ZMIZ1: variants seen among roughly 807,000 people sequenced by gnomAD.
ZMIZ1 encodes zinc finger MIZ-type containing 1.
ZMIZ1 carries 17 observed loss-of-function variants against 113.9 expected under a neutral mutation model. The observed-to-expected ratio is 0.15, with a 90% CI of 0.10 to 0.22. The LOEUF is 0.22. Among genes scored for constraint, ZMIZ1 ranks in the 10% least tolerant of loss-of-function variants. ZMIZ1 has a pLI of 1.00. For missense variants in ZMIZ1, 1,059 were observed against 1,477.8 expected, an observed-to-expected ratio of 0.72 and a Z score of 4.65; for synonymous variants, 607 against 603.1, an observed-to-expected ratio of 1.01 and a Z score of -0.09.
intron 4 of ZMIZ1, among the ~76,000 whole-genome samples, chr10:79,185,493 A>G (rs1847313930): frequency 6.6e-6 from 1 of 151,452 alleles, no homozygotes; most frequent in Non-Finnish European, 1.5e-5. Flanking sequence ...GCCAGAAGGG[A>G]AAGGACTTCT....
chr10:79,145,878 TA>T (rs1589333620), intron 3 of ZMIZ1, among the ~76,000 whole-genome samples: 1 of 152,180 alleles, frequency 6.6e-6, no homozygotes, highest in Non-Finnish European at 1.5e-5. Flanking sequence ...GGCTAATTTT[TA>T]AAATTTTTAT....
At chr10:79,228,839 C>T (rs1750362079) in intron 7 of ZMIZ1, among the ~76,000 whole-genome samples, 1 of 152,214 alleles carries the variant, frequency 6.6e-6, no homozygotes. Flanking sequence ...GCTTCAAGAT[C>T]AGGCTGACGT....
At chr10:79,111,439 C>T (rs1241930607) in intron 1 of ZMIZ1, among the ~76,000 whole-genome samples, 1 of 152,208 alleles carries the variant, frequency 6.6e-6, no homozygotes, top group Admixed American at 6.5e-5. Flanking sequence ...AAGGTGTACC[C>T]TCTCCCATAA....
intron 2 of ZMIZ1, among the ~76,000 whole-genome samples, chr10:79,123,616 G>A (rs578232589): frequency 6.6e-5 from 10 of 152,276 alleles, no homozygotes; most frequent in East Asian, 3.9e-4. Context: ...GATTGGGGTT[G>A]GGCTGGATTT....
intron 2 of ZMIZ1, among the ~76,000 whole-genome samples, chr10:79,121,461 A>G (rs1210907552): frequency 6.6e-6 from 1 of 152,234 alleles, no homozygotes; most frequent in East Asian, 1.9e-4. Flanking sequence ...TTTTCTTGCA[A>G]ATAGAAAGAT....
Position 79,296,549 on chromosome 10 carries a change from C to G in ZMIZ1, c.1309C>G (p.Pro437Ala). The G allele has an allele frequency of 6.2e-7, 1 of 1,613,594 alleles. No individual in the cohort carries two copies. Among genetic ancestry groups the G allele is most frequent in the Non-Finnish European group, 8.5e-7 (1 of 1,179,678 alleles). The change falls in exon 13 of 25, where the codon CCG (proline) becomes GCG (alanine). Residue 437 changes from proline to alanine, a missense_variant. Physicochemically the swap from Pro to Ala is conservative, Grantham distance 27 (BLOSUM62 -1). Coordinates refer to ENST00000334512, the MANE Select transcript of ZMIZ1 (RefSeq NM_020338.4). The surrounding 1 kb of genome is among the most constrained non-coding windows in gnomAD (Gnocchi z 4.1). ...AGGCCAGTACCCAGCCCCCAACCCC[C>G]CGAGGCCACTCACCTCCCCCAACTA... Reference protein sequence around the residue: ...QPGQYPAPNPPRPLTSPNYPG... With the variant: ...QPGQYPAPNPARPLTSPNYPG...
At chr10:79,289,740 A>G in intron 8 of ZMIZ1, 35 bp from the exon 9 acceptor site, 1 of 1,593,066 alleles carries the variant, frequency 6.3e-7, no homozygotes, top group East Asian at 2.2e-5. Context: ...TGTGCCTGCC[A>G]GGCCCTGAAG....
chr10:79,228,592 G>GC (rs1331391531), intron 7 of ZMIZ1, among the ~76,000 whole-genome samples: 2 of 152,272 alleles, frequency 1.3e-5, no homozygotes, highest in African/African-American at 4.8e-5. Context: ...CTGCCCTCTT[G>GC]CCCCTGTGAG....
intron 7 of ZMIZ1, among the ~76,000 whole-genome samples, chr10:79,251,369 C>T (rs1485160407): frequency 1.3e-5 from 2 of 152,194 alleles, no homozygotes; most frequent in East Asian, 1.9e-4. Context: ...GATCTCATCG[C>T]CCCTGAGCAA....
At chr10:79,240,730 T>C (rs1311001753) in intron 7 of ZMIZ1, among the ~76,000 whole-genome samples, 1 of 137,844 alleles carries the variant, frequency 7.3e-6, no homozygotes, top group African/African-American at 2.7e-5. Context: ...AATTCTCTTC[T>C]CCAGCCCCAC....
At chr10:79,301,351 G>A (rs954461083) in intron 17 of ZMIZ1, among the ~76,000 whole-genome samples, 8 of 151,322 alleles carry the variant, frequency 5.3e-5, no homozygotes, top group Non-Finnish European at 2.9e-5. Context: ...CAGACCCAAC[G>A]CCCCCAAACC....
rs1486281602 is a variant in ZMIZ1 at position 79,108,112 on chromosome 10, G to C, written c.-336-10803G>C. 2.0e-5 allele frequency among the ~76,000 whole-genome samples: 3 copies of C among 152,188 alleles called. No individual in the cohort carries two copies. The East Asian group carries it at 5.8e-4, about 29-fold the overall frequency. On this transcript the variant is annotated intron_variant, in intron 1 of 24. Transcript: ENST00000334512. ...GGAGACCCATTTATTCTGCCACTGG[G>C]GCACAGGGCCCAGTTTTAATCATCC... is the stretch of plus-strand genomic sequence containing the variant.
chr10:79,197,053 C>G (rs549274530), intron 4 of ZMIZ1, among the ~76,000 whole-genome samples: 7 of 152,362 alleles, frequency 4.6e-5, no homozygotes, highest in Admixed American at 2.6e-4. Context: ...TGCTGGCTGC[C>G]TGGGCCACCG....
chr10:79,126,301 C>T (rs1844509145), intron 2 of ZMIZ1, among the ~76,000 whole-genome samples: 1 of 152,158 alleles, frequency 6.6e-6, no homozygotes, highest in African/African-American at 2.4e-5. Context: ...AGGGGCTGCC[C>T]TTCCCCTCAT....
chr10:79,298,023 G>A (rs150967249), intron 14 of ZMIZ1, among the ~76,000 whole-genome samples: 1 of 152,180 alleles, frequency 6.6e-6, no homozygotes, highest in African/African-American at 2.4e-5. Context: ...GCCTTGAGTC[G>A]TGATGTGGGA....
At chr10:79,277,115 G>T (rs200462755) in intron 7 of ZMIZ1, 66 bp from the exon 8 acceptor site, 27 of 1,446,048 alleles carry the variant, frequency 1.9e-5, no homozygotes, top group African/African-American at 1.8e-4. Context: ...GGAGAGTTGG[G>T]GGGGGGTCTT....
rs113298541 is a variant in ZMIZ1, at chr10:79,277,277, A to C, written c.377A>C (p.Gln126Pro). 6.3e-7 allele frequency: 1 copy of C among 1,599,266 alleles called. No individual in the cohort carries two copies. The highest frequency in any genetic ancestry group is 8.5e-7 in the Non-Finnish European group (1 of 1,174,140). The change falls in exon 8 of 25, where the codon CAG becomes CCG. Residue 126 changes from glutamine to proline, a missense_variant. By Grantham distance (76) the Gln-to-Pro change is moderately conservative. This residue lies in a region of ZMIZ1 where 272 missense variants were observed against 350.4 expected (regional missense o/e 0.78). Coordinates refer to ENST00000334512, the MANE Select transcript of ZMIZ1 (RefSeq NM_020338.4). ...QSDPPGKLPM[Q>P]PPLSSMSSMK... ...GATCCCCCTGGGAAACTCCCCATGC[A>C]GCCCCCTCTCAGCTCCATGAGCTCC...
chr10:79,262,832 T>C (rs981704155), intron 7 of ZMIZ1, among the ~76,000 whole-genome samples: 1 of 152,182 alleles, frequency 6.6e-6, no homozygotes, highest in Non-Finnish European at 1.5e-5. Context: ...GGGCAGCCAG[T>C]GGGCATCCAC....
At chr10:79,195,366 G>A (rs572060545) in intron 4 of ZMIZ1, among the ~76,000 whole-genome samples, 2 of 152,216 alleles carry the variant, frequency 1.3e-5, no homozygotes, top group African/African-American at 4.8e-5. Context: ...GAGACATGGC[G>A]GGGGTCCTGA....
Sources: allele counts gnomAD v4.1 joint callset (sites outside exome capture counted in the v4.1 genomes callset), GRCh38; gene constraint gnomAD v4.1.1; regional missense constraint gnomAD v4.1.1; non-coding constraint Gnocchi (gnomAD v3.1); transcripts MANE v1.5; gene names NCBI Gene and HGNC (gene_info 2026-07-23, HGNC 2026-07-21).